RUBCN: variants seen among roughly 807,000 people sequenced by gnomAD.
RUBCN encodes the protein rubicon autophagy regulator, also known as run domain Beclin-1-interacting and cysteine-rich domain-containing protein.
A neutral mutation model predicts 113.2 loss-of-function variants in RUBCN; 74 were observed. The ratio of observed to expected loss-of-function variants is 0.65; its 90% confidence interval spans 0.54 to 0.79. The LOEUF is 0.79. Ranked by LOEUF, RUBCN falls within the 30% of genes least tolerant of loss-of-function variation. RUBCN has a pLI of 0.00. For synonymous variants in RUBCN, 480 were observed against 490.0 expected, an observed-to-expected ratio of 0.98 and a Z score of 0.27; for missense variants, 1,109 against 1,251.7, an observed-to-expected ratio of 0.89 and a Z score of 1.72.
chr3:197,735,233 CAA>C (rs1422526440), intron 1 of RUBCN, among the ~76,000 whole-genome samples: 1 of 152,086 alleles, frequency 6.6e-6, no homozygotes, highest in Non-Finnish European at 1.5e-5. Context: ...CCTGTCTCTA[CAA>C]AAAAGTTTTT....
At chr3:197,739,732 T>A (rs1377476667), upstream of RUBCN, among the ~76,000 whole-genome samples, 1 of 151,512 alleles carries the variant, frequency 6.6e-6, no homozygotes, top group Non-Finnish European at 1.5e-5. Context: ...AAAAAGGCAA[T>A]CAGCTTTATC....
chr3:197,731,137 T>C, intron 1 of RUBCN, among the ~76,000 whole-genome samples: 1 of 151,718 alleles, frequency 6.6e-6, no homozygotes, highest in East Asian at 1.9e-4. Flanking sequence ...CAGAGGACCC[T>C]GCGGCCTTCC....
At chr3:197,682,100 C>T (rs1254780347) in intron 14 of RUBCN, among the ~76,000 whole-genome samples, 1 of 151,984 alleles carries the variant, frequency 6.6e-6, no homozygotes, top group East Asian at 1.9e-4. Flanking sequence ...TCACTCTGCC[C>T]AGTAAGGAAC....
chr3:197,727,472 T>G (rs1258028818), intron 1 of RUBCN, among the ~76,000 whole-genome samples: 3 of 152,210 alleles, frequency 2.0e-5, no homozygotes, highest in African/African-American at 7.2e-5. Context: ...GAATAAAGCC[T>G]TCTTACCCAT....
At chr3:197,706,929 G>A (rs1724363868) in intron 2 of RUBCN, among the ~76,000 whole-genome samples, 1 of 152,202 alleles carries the variant, frequency 6.6e-6, no homozygotes, top group Non-Finnish European at 1.5e-5. Context: ...TATTCTGGTG[G>A]TAGTGCGGCA....
Position 197,681,609 on chromosome 3 carries a change from A to G in RUBCN, c.2191+226T>C, listed in dbSNP as rs1263889823. Reference sequence around the variant, plus strand: ...ATAGTAAGATCCCGCCTTACCAGCTAGCTGGAACTACCCAACTTTCCACAG... The same window carrying G: ...ATAGTAAGATCCCGCCTTACCAGCTGGCTGGAACTACCCAACTTTCCACAG... On this transcript the variant is annotated intron_variant, in intron 15 of 19. Transcript: ENST00000296343. The surrounding 1 kb of genome is among the most constrained non-coding windows in gnomAD (Gnocchi z 5.5). 6.6e-6 allele frequency among the ~76,000 whole-genome samples: 1 copy of G among 152,224 alleles called. No individual in the cohort carries two copies. The highest frequency in any genetic ancestry group is 6.5e-5 in the Admixed American group (1 of 15,284).
intron 7 of RUBCN, among the ~76,000 whole-genome samples, chr3:197,697,852 T>C (rs1228407238): frequency 6.6e-6 from 1 of 152,178 alleles, no homozygotes; most frequent in East Asian, 1.9e-4. Flanking sequence ...ATCTAACCCA[T>C]TTCCCTGACA....
chr3:197,736,894 A>G lies in RUBCN; in HGVS notation c.-175T>C. The G allele has an allele frequency of 7.3e-7, 1 of 1,365,512 alleles. No homozygotes were observed. The highest frequency in any genetic ancestry group is 9.4e-7 in the Non-Finnish European group (1 of 1,066,460). The allele number at this position is 1,365,512 out of a possible 1,614,324, so 84.6% of individuals were successfully genotyped here. A position where few individuals can be genotyped will look rare whatever the true frequency, so the allele number is the denominator to read the frequency against. On this transcript the variant is annotated 5_prime_UTR_variant, in exon 1 of 20. Transcript: ENST00000296343. ...GACCGCCGCCTGGGCTGCGGCTTCT[A>G]TCCCGGCCACCCCCACTTCCGGCTC... is the stretch of plus-strand genomic sequence containing the variant.
intron 1 of RUBCN, among the ~76,000 whole-genome samples, chr3:197,731,570 A>G (rs9857685): frequency 0.11 from 16,875 of 149,638 alleles, 1,142 homozygotes; most frequent in African/African-American, 0.18. Flanking sequence ...AGTAGGCGCG[A>G]CCGGGCAGAG....
intron 13 of RUBCN, 97 bp from the exon 14 acceptor site, chr3:197,682,712 C>G: frequency 6.5e-7 from 1 of 1,536,010 alleles, no homozygotes; most frequent in South Asian, 1.1e-5. Flanking sequence ...AGGAGAAAAA[C>G]ACAGTTGGGG....
At chr3:197,749,562 G>A in exon 1 of RUBCN, 3 of 1,291,932 alleles carry the variant, frequency 2.3e-6, no homozygotes, top group Non-Finnish European at 3.0e-6. Flanking sequence ...CGAAAGGCTC[G>A]TGTGTACCGA....
At position 197,681,006 on chromosome 3, in the gene RUBCN, G is replaced by GGGAGGTGATGGGGGGAGGGGACAAGA. The variant is rs1560405906; in HGVS notation, c.2430+122_2430+123insTCTTGTCCCCTCCCCCCATCACCTCC. 2 of 645,378 alleles carry GGGAGGTGATGGGGGGAGGGGACAAGA rather than the reference G, an allele frequency of 3.1e-6. No individual in the cohort carries two copies. The highest frequency in any genetic ancestry group is 5.7e-6 in the Non-Finnish European group (2 of 353,754). The allele number at this position is 645,378 out of a possible 1,614,324, so 40.0% of individuals were successfully genotyped here. ...GGAGGGGACAAGGAGAGGAGACGAG[G>GGGAGGTGATGGGGGGAGGGGACAAGA]GGAGGGGATGGGGGGAGGGGACAAG... On this transcript the variant is annotated intron_variant, in intron 16 of 19. Coordinates refer to ENST00000296343, the MANE Select transcript of RUBCN (RefSeq NM_014687.4). The surrounding 1 kb of genome is among the most constrained non-coding windows in gnomAD (Gnocchi z 5.5).
At chr3:197,740,535 TGG>T (rs1728484898), upstream of RUBCN, among the ~76,000 whole-genome samples, 5 of 152,322 alleles carry the variant, frequency 3.3e-5, no homozygotes, top group African/African-American at 4.8e-5. Flanking sequence ...GAACCATAAT[TGG>T]ATAATAGTAC....
rs1375352937 is a variant in RUBCN at position 197,683,602 on chromosome 3, A to G, written c.1848-163T>C. Among the ~76,000 whole-genome samples, 3 of 152,174 alleles carry G rather than the reference A, an allele frequency of 2.0e-5. No homozygotes were observed. Among genetic ancestry groups the G allele is most frequent in the African/African-American group, 4.8e-5 (2 of 41,436 alleles). On this transcript the variant is annotated intron_variant, in intron 12 of 19. Transcript: ENST00000296343. The surrounding 1 kb of genome is among the most constrained non-coding windows in gnomAD (Gnocchi z 4.6). ...CTCACACATGGGACAGTCAAAGTCC[A>G]CTAGTCTCACGGTCCTAAGACTTCG...
rs927489841 is a variant in RUBCN at position 197,675,585 on chromosome 3, C to A, written c.2647-70G>T. On this transcript the variant is annotated intron_variant, in intron 18 of 19. Coordinates refer to ENST00000296343, the MANE Select transcript of RUBCN (RefSeq NM_014687.4). This position sits in a 1 kb window ranked among gnomAD's most constrained non-coding sequence, Gnocchi z 4.4. ...AGGAACTGGCACGGGAGGGTGAACA[C>A]CGAGGAGGGGAGTGGTCTACAGGGT... 1 of 1,172,598 alleles carries A rather than the reference C, an allele frequency of 8.5e-7. No individual in the cohort carries two copies. The highest frequency in any genetic ancestry group is 2.3e-5 in the East Asian group (1 of 42,896). The allele number at this position is 1,172,598 out of a possible 1,614,324, so 72.6% of individuals were successfully genotyped here.
intron 2 of RUBCN, among the ~76,000 whole-genome samples, chr3:197,709,228 C>T (rs1426989950): frequency 2.6e-5 from 4 of 152,108 alleles, no homozygotes; most frequent in Non-Finnish European, 5.9e-5. Context: ...CAGTTTTTTC[C>T]TGTTCTTATC....
intron 11 of RUBCN, among the ~76,000 whole-genome samples, chr3:197,693,093 T>A (rs1455716928): frequency 6.6e-6 from 1 of 151,802 alleles, no homozygotes; most frequent in Non-Finnish European, 1.5e-5. Flanking sequence ...CTTGAAGAGA[T>A]CTATGATTTG....
chr3:197,733,951 T>TGA (rs1727812192), intron 1 of RUBCN, among the ~76,000 whole-genome samples: 1 of 152,176 alleles, frequency 6.6e-6, no homozygotes. Flanking sequence ...CAGCATAGGG[T>TGA]GAGTATTAAA....
intron 1 of RUBCN, among the ~76,000 whole-genome samples, chr3:197,729,416 C>T (rs1727158758): frequency 6.6e-6 from 1 of 152,042 alleles, no homozygotes; most frequent in African/African-American, 2.4e-5. Flanking sequence ...CCACGCCCGG[C>T]TAATTTTTTT....
Sources: gnomAD v4.1 joint callset for allele counts (sites outside exome capture counted in the v4.1 genomes callset) on GRCh38, gnomAD v4.1.1 for gene constraint, Gnocchi (gnomAD v3.1) non-coding constraint, MANE v1.5 for transcripts, NCBI Gene and HGNC (gene_info 2026-07-23, HGNC 2026-07-21) for gene names.